Variants in C3 observed in about 807,000 individuals in gnomAD.
The protein encoded by C3 is C3 and PZP-like alpha-2-macroglobulin domain-containing protein 1.
Under a neutral mutation model 207.9 loss-of-function variants are expected in C3, and 97 were observed. The observed-to-expected ratio is 0.47, with a 90% CI of 0.40 to 0.55. The LOEUF (loss-of-function observed/expected upper bound fraction) is 0.55, where lower values mean the gene tolerates loss of function less well. Ranked by LOEUF, C3 falls within the 20% of genes least tolerant of loss-of-function variation. The probability of loss-of-function intolerance (pLI) is 0.00; values close to 1 mark genes in which losing one functional copy is unlikely to be tolerated. For synonymous variants in C3, 848 were observed against 857.6 expected, an observed-to-expected ratio of 0.99 and a Z score of 0.20; for missense variants, 1,684 against 2,171.7, an observed-to-expected ratio of 0.78 and a Z score of 4.46.
chr19:6,688,084 T>TC (rs1918057431), intron 27 of C3, among the ~76,000 whole-genome samples: 1 of 151,944 alleles, frequency 6.6e-6, no homozygotes, highest in Admixed American at 6.6e-5. Flanking sequence ...GACCTCGTGA[T>TC]CCGCCCACCT....
intron 9 of C3, 34 bp from the exon 10 acceptor site, chr19:6,712,657 G>T: frequency 6.4e-7 from 1 of 1,570,262 alleles, no homozygotes; most frequent in Non-Finnish European, 8.8e-7. Context: ...AGGCTTCTGG[G>T]CCACCCCTCA....
chr19:6,707,173 C>G lies in C3; in HGVS notation c.2148G>C (p.Leu716=), dbSNP rs1967797171. 1 of 1,613,682 alleles carries G rather than the reference C, an allele frequency of 6.2e-7. No individual in the cohort carries two copies. The highest frequency in any genetic ancestry group is 1.3e-5 in the African/African-American group (1 of 74,890). The stretch of plus-strand genomic sequence containing the variant: ...GGAAGACCTTCTTGCACGCCTCGCC[C>G]AGGGAGATGAAACGGGTCCGGCGCT... ...SCQRRTRFIS[L]GEACKKVFLD... The change falls in exon 17 of 41, where the codon CTG becomes CTC. Residue 716 remains leucine, a synonymous_variant. Coordinates refer to ENST00000245907, the MANE Select transcript of C3 (RefSeq NM_000064.4).
At chr19:6,705,301 C>T (rs1967750165) in intron 17 of C3, among the ~76,000 whole-genome samples, 1 of 151,500 alleles carries the variant, frequency 6.6e-6, no homozygotes, top group African/African-American at 2.4e-5. Flanking sequence ...TCTAAATTTG[C>T]TTGAATTTTT....
rs1256935475 is a variant in C3, at chr19:6,700,250, ATATAT to A, written c.2440+1872_2440+1876del. ...TTATATATGTAATATACAATATATA[ATATAT>A]TATATATGTAATATGCAACATATAA... On this transcript the variant is annotated intron_variant, in intron 19 of 40. Transcript: ENST00000245907. Among the ~76,000 whole-genome samples the A allele has an allele frequency of 2.5e-4, 33 of 134,302 alleles. 2 individuals carry two copies. The East Asian group carries it at 5.9e-3, about 24-fold the overall frequency. The allele number at this position is 134,302 out of a possible 152,430, so 88.1% of individuals were successfully genotyped here. A position where few individuals can be genotyped will look rare whatever the true frequency, so the allele number is the denominator to read the frequency against.
In C3 at chr19:6,678,016, A is replaced by G; in HGVS notation, c.4858T>C (p.Tyr1620His). ...DFWGEKPNLS[Y>H]IIGKDTWVEH... ...ACCCAAGTGTCCTTCCCGATGATGTAGCTGAGGCTGGAGGGAAGAATGGCA... is the reference window on the plus strand; with the variant it reads ...ACCCAAGTGTCCTTCCCGATGATGTGGCTGAGGCTGGAGGGAAGAATGGCA... The change falls in exon 41 of 41, where the codon TAC (tyrosine) becomes CAC (histidine). Residue 1620 changes from tyrosine to histidine, a missense_variant. Tyr to His is a moderately conservative substitution (Grantham distance 83). Around this residue, in one of 3 missense-constraint regions of C3, gnomAD observed 346 missense variants for 380.1 expected, o/e 0.91. Transcript: ENST00000245907. The G allele has an allele frequency of 6.2e-7, 1 of 1,614,022 alleles. No individual in the cohort carries two copies. Among genetic ancestry groups the G allele is most frequent in the Non-Finnish European group, 8.5e-7 (1 of 1,180,008 alleles).
At chr19:6,694,734 G>A in intron 23 of C3, 100 bp from the exon 24 acceptor site, 1 of 1,100,740 alleles carries the variant, frequency 9.1e-7, no homozygotes, top group Non-Finnish European at 1.3e-6. Flanking sequence ...CAGGGCCAAG[G>A]GGTTAGGGAC....
At chr19:6,716,219 T>A (rs1225679516) in intron 4 of C3, among the ~76,000 whole-genome samples, 4 of 151,816 alleles carry the variant, frequency 2.6e-5, no homozygotes, top group Non-Finnish European at 5.9e-5. Context: ...GCCATTGCAT[T>A]TGCCCCAATT....
At chr19:6,681,567 A>G (rs182686720) in intron 35 of C3, among the ~76,000 whole-genome samples, 22 of 152,088 alleles carry the variant, frequency 1.4e-4, no homozygotes, top group African/African-American at 5.1e-4. Context: ...AAAACAACAG[A>G]AGAGAGAAAT....
chr19:6,719,663 G>T lies in C3; in HGVS notation c.75-260C>A, dbSNP rs1008742088. ...CTTTGAAAGCCTGGGCAACGAGGGG[G>T]CCACACATCCCACCAAACCCTGAAC... On this transcript the variant is annotated intron_variant, in intron 1 of 40. Transcript: ENST00000245907. The surrounding 1 kb of genome is among the most constrained non-coding windows in gnomAD (Gnocchi z 5.4). Among the ~76,000 whole-genome samples, 1 of 151,396 alleles carries T rather than the reference G, an allele frequency of 6.6e-6. No individual in the cohort carries two copies.
At chr19:6,695,666 G>A (rs2145409369) in intron 23 of C3, among the ~76,000 whole-genome samples, 1 of 151,936 alleles carries the variant, frequency 6.6e-6, no homozygotes, top group South Asian at 2.1e-4. Flanking sequence ...TTTTAGTAGA[G>A]ACAGGGTTTC....
intron 17 of C3, among the ~76,000 whole-genome samples, chr19:6,706,150 T>G (rs1466514785): frequency 6.6e-6 from 1 of 152,266 alleles, no homozygotes; most frequent in Non-Finnish European, 1.5e-5. Flanking sequence ...TAGTTTTCTC[T>G]GGTGAAGCCA....
At chr19:6,681,679 C>CT (rs1299484682) in intron 35 of C3, among the ~76,000 whole-genome samples, 6 of 152,106 alleles carry the variant, frequency 3.9e-5, no homozygotes, top group Admixed American at 1.3e-4. Flanking sequence ...ACCAAAAGGG[C>CT]TTTTTTTCAA....
In C3 at chr19:6,684,368, C is replaced by T. The variant is rs765356543; in HGVS notation, c.4172+20G>A. The stretch of plus-strand genomic sequence containing the variant: ...GATAGAGGGATGGCCAAGATGAACC[C>T]CGGTGACCTAGCTTCTTACCTGGTA... On this transcript the variant is annotated intron_variant, in intron 33 of 40. Transcript: ENST00000245907. The T allele has an allele frequency of 6.2e-7, 1 of 1,608,258 alleles. No homozygotes were observed. Among genetic ancestry groups the T allele is most frequent in the Non-Finnish European group, 8.5e-7 (1 of 1,174,664 alleles).
chr19:6,689,492 G>C (rs536776400), intron 27 of C3, among the ~76,000 whole-genome samples: 2 of 151,800 alleles, frequency 1.3e-5, no homozygotes, highest in Admixed American at 6.6e-5. Flanking sequence ...GAAGCCACTA[G>C]CTGAGGGTGG....
chr19:6,696,468 G>T lies in C3; in HGVS notation c.2864-3C>A. 6.2e-7 allele frequency: 1 copy of T among 1,612,012 alleles called. No individual in the cohort carries two copies. The highest frequency in any genetic ancestry group is 8.5e-7 in the Non-Finnish European group (1 of 1,178,260). ...GATGTCCTCTTTCTGCACTCCTTCT[G>T]CAGGGTGAGTGAGAGATACCGATGG... On this transcript the variant is annotated splice_region_variant and splice_polypyrimidine_tract_variant and intron_variant, in intron 22 of 40. Transcript: ENST00000245907.
chr19:6,693,478 T>A lies in C3; in HGVS notation c.3164A>T (p.Gln1055Leu). The change falls in exon 25 of 41, where the codon CAG becomes CTG. Residue 1055 changes from glutamine (Q) to leucine (L), a missense_variant. By Grantham distance (113) the Gln-to-Leu change is moderately radical (BLOSUM62 -2). Coordinates refer to ENST00000245907, the MANE Select transcript of C3 (RefSeq NM_000064.4). ...GCTGGGTTGTCTGAAGGCCAGCTGCTGGGTGTACCCTGCAGAGAAGAGAGA... is the reference window on the plus strand; with the variant it reads ...GCTGGGTTGTCTGAAGGCCAGCTGCAGGGTGTACCCTGCAGAGAAGAGAGA... ...ALELIKKGYT[Q>L]QLAFRQPSSA... 6.2e-7 allele frequency: 1 copy of A among 1,611,834 alleles called. No homozygotes were observed. Among genetic ancestry groups the A allele is most frequent in the Non-Finnish European group, 8.5e-7 (1 of 1,179,340 alleles).
At chr19:6,679,553 G>A (rs1917807449) in intron 36 of C3, 57 bp from the exon 37 acceptor site, 3 of 1,141,336 alleles carry the variant, frequency 2.6e-6, no homozygotes, top group South Asian at 1.2e-5. Context: ...CAAAGACCAT[G>A]CCTGGGAGGC....
chr19:6,718,406 C>A lies in C3; in HGVS notation c.274G>T (p.Ala92Ser). The A allele has an allele frequency of 6.2e-7, 1 of 1,614,222 alleles. No individual in the cohort carries two copies. The highest frequency in any genetic ancestry group is 8.5e-7 in the Non-Finnish European group (1 of 1,180,044). ...HMGNVTFTIP[A>S]NREFKSEKGR... ...TTTTCTGACTTGAACTCCCTGTTGG[C>A]TGGGATCTAGGCGTGGGCAGGGCAT... The change falls in exon 3 of 41, where the codon GCC (alanine) becomes TCC (serine). Residue 92 changes from alanine (A) to serine (S), a missense_variant. Transcript: ENST00000245907.
At chr19:6,688,046 C>T (rs1484433492) in intron 27 of C3, among the ~76,000 whole-genome samples, 3 of 151,248 alleles carry the variant, frequency 2.0e-5, no homozygotes, top group African/African-American at 4.9e-5. Context: ...TTAGTAGAGA[C>T]GGGGTTTCAC....
Sources: gnomAD v4.1 joint callset for allele counts (sites outside exome capture counted in the v4.1 genomes callset) on GRCh38, gnomAD v4.1.1 for gene constraint, gnomAD v4.1.1 regional missense constraint, Gnocchi (gnomAD v3.1) non-coding constraint, MANE v1.5 for transcripts, NCBI Gene and HGNC (gene_info 2026-07-23, HGNC 2026-07-21) for gene names.